Variants in ACTL6B observed in about 807,000 individuals in gnomAD.
ACTL6B encodes the protein actin like 6B.
Under a neutral mutation model 63.3 loss-of-function variants are expected in ACTL6B, and 48 were observed. That is an observed-to-expected ratio of 0.76 (90% CI 0.60 to 0.96). The LOEUF is 0.96. Ranked by LOEUF, ACTL6B falls within the 50% of genes least tolerant of loss-of-function variation. The pLI is 0.00. For missense variants in ACTL6B, 350 were observed against 572.2 expected (o/e 0.61, Z 3.96); for synonymous variants, 230 against 223.8 (o/e 1.03, Z -0.25).
At position 100,656,121 on chromosome 7, in the gene ACTL6B, G is replaced by A. The variant is rs560011107; in HGVS notation, c.25+209C>T. 5.9e-4 allele frequency among the ~76,000 whole-genome samples: 90 copies of A among 152,358 alleles called. 1 individual carries two copies. Among genetic ancestry groups the A allele is most frequent in the African/African-American group, 2.1e-3 (87 of 41,584 alleles). On this transcript the variant is annotated intron_variant, in intron 1 of 13. Coordinates refer to ENST00000160382, the MANE Select transcript of ACTL6B (RefSeq NM_016188.5). ...CTCCCGACGGGAAAGGAAGGGGCCCGGGGCCAGGTGGAGGTGGGTTGCAAG... is the reference window on the plus strand; with the variant it reads ...CTCCCGACGGGAAAGGAAGGGGCCCAGGGCCAGGTGGAGGTGGGTTGCAAG...
intron 4 of ACTL6B, among the ~76,000 whole-genome samples, chr7:100,652,587 C>CAA (rs71126329): frequency 6.1e-5 from 4 of 66,098 alleles, no homozygotes; most frequent in African/African-American, 1.2e-4. Flanking sequence ...GACTATGTCT[C>CAA]AAAAAAAAAA....
rs1332600218 is a variant in ACTL6B at position 100,648,910 on chromosome 7, C to T, written c.468-87G>A. On this transcript the variant is annotated intron_variant, in intron 5 of 13. Transcript: ENST00000160382. The surrounding 1 kb of genome is among the most constrained non-coding windows in gnomAD (Gnocchi z 4.4). The stretch of plus-strand genomic sequence containing the variant: ...CTTGTCTGGTCACTCTCTGCTCTAC[C>T]GGGGTCCAGCCCATCCCCAGTCTGC... 1.9e-5 allele frequency: 25 copies of T among 1,343,970 alleles called. No homozygotes were observed. Among genetic ancestry groups the T allele is most frequent in the East Asian group, 1.3e-4 (5 of 39,266 alleles). 83.3% of individuals were successfully genotyped at this position (1,343,970 alleles called of 1,614,324 possible).
rs1803912385 is a variant in ACTL6B at position 100,650,226 on chromosome 7, C to T, written c.370-91G>A. ...CGCAACCCACTCACTCACACATACACTCACGGTCACACACACACATCCAAA... is the reference window on the plus strand; with the variant it reads ...CGCAACCCACTCACTCACACATACATTCACGGTCACACACACACATCCAAA... On this transcript the variant is annotated intron_variant, in intron 4 of 13. Coordinates refer to ENST00000160382, the MANE Select transcript of ACTL6B (RefSeq NM_016188.5). 7.9e-6 allele frequency: 8 copies of T among 1,016,416 alleles called. No individual in the cohort carries two copies. The East Asian group carries it at 1.0e-4, about 13-fold the overall frequency. 63.0% of individuals were successfully genotyped at this position (1,016,416 alleles called of 1,614,324 possible).
At chr7:100,645,085 A>AG (rs1803797126) in intron 13 of ACTL6B, among the ~76,000 whole-genome samples, 2 of 152,120 alleles carry the variant, frequency 1.3e-5, no homozygotes, top group Admixed American at 1.3e-4. Flanking sequence ...AAGGAAAAAA[A>AG]CAAGAACTGT....
intron 4 of ACTL6B, 83 bp from the exon 5 acceptor site, chr7:100,650,218 CACAT>C: frequency 9.1e-7 from 1 of 1,103,574 alleles, no homozygotes; most frequent in East Asian, 2.5e-5. Context: ...CACTCACTCA[CACAT>C]ACACTCACGG....
At chr7:100,649,086 G>C (rs1434554919) in intron 5 of ACTL6B, among the ~76,000 whole-genome samples, 3 of 150,530 alleles carry the variant, frequency 2.0e-5, no homozygotes, top group Non-Finnish European at 4.4e-5. Flanking sequence ...TCCGCCTCCC[G>C]GGTTCATGCC....
rs958022240 is a variant in ACTL6B at position 100,648,497 on chromosome 7, C to T, written c.669+59G>A. ...GATATCTCATGTGTCAGAGGGTTGACGGCCATGGGGCGAGTGGCCAGGACT... is the reference window on the plus strand; with the variant it reads ...GATATCTCATGTGTCAGAGGGTTGATGGCCATGGGGCGAGTGGCCAGGACT... On this transcript the variant is annotated intron_variant, in intron 7 of 13. Coordinates refer to ENST00000160382, the MANE Select transcript of ACTL6B (RefSeq NM_016188.5). The surrounding 1 kb of genome is among the most constrained non-coding windows in gnomAD (Gnocchi z 4.4). 49 of 1,406,848 alleles carry T rather than the reference C, an allele frequency of 3.5e-5. No homozygotes were observed. The highest frequency in any genetic ancestry group is 1.9e-4 in the Middle Eastern group (1 of 5,224). 87.1% of individuals were successfully genotyped at this position (1,406,848 alleles called of 1,614,324 possible).
intron 13 of ACTL6B, among the ~76,000 whole-genome samples, chr7:100,644,948 C>A (rs1002020773): frequency 6.6e-6 from 1 of 152,134 alleles, no homozygotes; most frequent in East Asian, 1.9e-4. Context: ...CCCAGCTACT[C>A]GGGAGGCTGA....
chr7:100,647,188 C>G lies in ACTL6B; in HGVS notation c.821+35G>C. 1 of 1,612,568 alleles carries G rather than the reference C, an allele frequency of 6.2e-7. No individual in the cohort carries two copies. The highest frequency in any genetic ancestry group is 8.5e-7 in the Non-Finnish European group (1 of 1,179,020). ...CCACCCCAAGAGTGCCGGTTCTGCC[C>G]TCTCTCCCACCCCAAAGCCCTGAGC... On this transcript the variant is annotated intron_variant, in intron 9 of 13. Transcript: ENST00000160382. The surrounding 1 kb of genome is among the most constrained non-coding windows in gnomAD (Gnocchi z 4.4).
Position 100,646,209 on chromosome 7 carries a change from C to T in ACTL6B, c.1200+40G>A. 6.4e-7 allele frequency: 1 copy of T among 1,564,790 alleles called. No homozygotes were observed. The highest frequency in any genetic ancestry group is 8.7e-7 in the Non-Finnish European group (1 of 1,143,522). On this transcript the variant is annotated intron_variant, in intron 13 of 13. Transcript: ENST00000160382. This position sits in a 1 kb window ranked among gnomAD's most constrained non-coding sequence, Gnocchi z 6.1. Reference sequence around the variant, plus strand: ...CGGGCACTGTCTGGGTCTCCCCTCTCCCCCACAGTCAGTGCTAGGCCAGGT... The same window carrying T: ...CGGGCACTGTCTGGGTCTCCCCTCTTCCCCACAGTCAGTGCTAGGCCAGGT...
In ACTL6B at chr7:100,648,549, G is replaced by A; in HGVS notation, c.669+7C>T. ...TAGTGGCAGCTCCATGTCCCCAGAGGCCCCACCTTGGCTGCGATCATGTAA... is the reference window on the plus strand; with the variant it reads ...TAGTGGCAGCTCCATGTCCCCAGAGACCCCACCTTGGCTGCGATCATGTAA... On this transcript the variant is annotated splice_region_variant and intron_variant, in intron 7 of 13. Coordinates refer to ENST00000160382, the MANE Select transcript of ACTL6B (RefSeq NM_016188.5). The surrounding 1 kb of genome is among the most constrained non-coding windows in gnomAD (Gnocchi z 4.4). 1.3e-6 allele frequency: 2 copies of A among 1,590,492 alleles called. No homozygotes were observed. Among genetic ancestry groups the A allele is most frequent in the Non-Finnish European group, 1.7e-6 (2 of 1,167,346 alleles).
chr7:100,646,312 G>A lies in ACTL6B; in HGVS notation c.1137C>T (p.Ala379=), dbSNP rs751114643. 1.9e-6 allele frequency: 3 copies of A among 1,613,976 alleles called. No homozygotes were observed. Among genetic ancestry groups the A allele is most frequent in the East Asian group, 2.2e-5 (1 of 44,880 alleles). The change falls in exon 13 of 14, where the codon GCC becomes GCT. Residue 379 remains alanine (A), a synonymous_variant. Coordinates refer to ENST00000160382, the MANE Select transcript of ACTL6B (RefSeq NM_016188.5). The surrounding 1 kb of genome is among the most constrained non-coding windows in gnomAD (Gnocchi z 6.1). ...TPPSMRLKLI[A]SNSTMERKFS... Reference sequence around the variant, plus strand: ...ACTTGCGCTCCATGGTGCTGTTGCTGGCAATGAGTTTCAGTCGCATGCTCT... The same window carrying A: ...ACTTGCGCTCCATGGTGCTGTTGCTAGCAATGAGTTTCAGTCGCATGCTCT...
At chr7:100,644,264 G>A (rs2131331542) in intron 13 of ACTL6B, among the ~76,000 whole-genome samples, 1 of 152,166 alleles carries the variant, frequency 6.6e-6, no homozygotes, top group South Asian at 2.1e-4. Flanking sequence ...AAACTCCTGG[G>A]CTCAAGTAAT....
Position 100,655,635 on chromosome 7 carries a change from C to T in ACTL6B, c.103-49G>A. ...TATTGGCAGGGAGAGAGGTCACCCT[C>T]TTGCCCCTGTCCAGCCCCACAGCAG... is the stretch of plus-strand genomic sequence containing the variant. On this transcript the variant is annotated intron_variant, in intron 2 of 13. Transcript: ENST00000160382. The surrounding 1 kb of genome is among the most constrained non-coding windows in gnomAD (Gnocchi z 4.4). The T allele has an allele frequency of 6.3e-7, 1 of 1,580,428 alleles. No individual in the cohort carries two copies. The highest frequency in any genetic ancestry group is 8.6e-7 in the Non-Finnish European group (1 of 1,163,468).
chr7:100,647,590 C>G lies in ACTL6B; in HGVS notation c.670-57G>C. On this transcript the variant is annotated intron_variant, in intron 7 of 13. Coordinates refer to ENST00000160382, the MANE Select transcript of ACTL6B (RefSeq NM_016188.5). This position sits in a 1 kb window ranked among gnomAD's most constrained non-coding sequence, Gnocchi z 4.4. ...CTAGCCCACCTGACCCCCACCCCCA[C>G]CTTCCTGGCACTGTTCCCAGCTCTG... 3.0e-6 allele frequency: 4 copies of G among 1,317,768 alleles called. No homozygotes were observed. Among genetic ancestry groups the G allele is most frequent in the Non-Finnish European group, 4.2e-6 (4 of 946,950 alleles). The allele number at this position is 1,317,768 out of a possible 1,614,324, so 81.6% of individuals were successfully genotyped here. A position where few individuals can be genotyped will look rare whatever the true frequency, so the allele number is the denominator to read the frequency against.
rs1260098886 is a variant in ACTL6B at position 100,643,314 on chromosome 7, G to C, written c.1213C>G (p.Gln405Glu). 1 of 1,613,768 alleles carries C rather than the reference G, an allele frequency of 6.2e-7. No individual in the cohort carries two copies. The highest frequency in any genetic ancestry group is 8.5e-7 in the Non-Finnish European group (1 of 1,179,964). The change falls in exon 14 of 14, where the codon CAG becomes GAG. Residue 405 changes from glutamine to glutamate, a missense_variant. Gln to Glu is a conservative substitution (Grantham distance 29). Transcript: ENST00000160382. ...SILASLGTFQ[Q>E]MWISKQEYEE... ...TATTCCTGCTTGGAGATCCACATCT[G>C]CTGGAAAGTGCCCTGGGTGGAGGGG...
At chr7:100,654,871 GA>G in intron 4 of ACTL6B, 147 bp downstream of exon 4, 1 of 662,336 alleles carries the variant, frequency 1.5e-6, no homozygotes, top group Non-Finnish European at 2.6e-6. Flanking sequence ...AAGAAGGAAG[GA>G]AATTGTTTGG....
rs1053155437 is a variant in ACTL6B, at chr7:100,647,375, G to A, written c.759+69C>T. 8.4e-5 allele frequency: 135 copies of A among 1,603,018 alleles called. No homozygotes were observed. Among genetic ancestry groups the A allele is most frequent in the Middle Eastern group, 6.7e-4 (4 of 5,968 alleles). ...CCCTCCCTGCTCCCCCTCCCATGCG[G>A]GGCCTCTGTCCCGCCCCCGATTCAT... is the stretch of plus-strand genomic sequence containing the variant. On this transcript the variant is annotated intron_variant, in intron 8 of 13. Coordinates refer to ENST00000160382, the MANE Select transcript of ACTL6B (RefSeq NM_016188.5). The surrounding 1 kb of genome is among the most constrained non-coding windows in gnomAD (Gnocchi z 4.4).
chr7:100,647,319 T>C lies in ACTL6B; in HGVS notation c.760-35A>G, dbSNP rs1803842944. 6.2e-7 allele frequency: 1 copy of C among 1,611,650 alleles called. No homozygotes were observed. Among genetic ancestry groups the C allele is most frequent in the Non-Finnish European group, 8.5e-7 (1 of 1,179,156 alleles). Reference sequence around the variant, plus strand: ...CAGCGGAGGTGGTGAGGGCCTGCCTTCCCCGTGAGCAGCACCCCCTGCCCC... The same window carrying C: ...CAGCGGAGGTGGTGAGGGCCTGCCTCCCCCGTGAGCAGCACCCCCTGCCCC... On this transcript the variant is annotated intron_variant, in intron 8 of 13. Transcript: ENST00000160382. The surrounding 1 kb of genome is among the most constrained non-coding windows in gnomAD (Gnocchi z 4.4).
Sources: gnomAD v4.1 joint callset for allele counts (sites outside exome capture counted in the v4.1 genomes callset) on GRCh38, gnomAD v4.1.1 for gene constraint, Gnocchi (gnomAD v3.1) non-coding constraint, MANE v1.5 for transcripts, NCBI Gene and HGNC (gene_info 2026-07-23, HGNC 2026-07-21) for gene names.